NSA2: variants seen among roughly 807,000 people sequenced by gnomAD.
The protein encoded by NSA2 is ribosome biogenesis protein NSA2 homolog.
NSA2 carries 18 observed loss-of-function variants against 34.8 expected under a neutral mutation model. That is an observed-to-expected ratio of 0.52 (90% CI 0.36 to 0.77). The LOEUF is 0.77. Among genes scored for constraint, NSA2 ranks in the 30% least tolerant of loss-of-function variants. The pLI, the probability that NSA2 is intolerant of heterozygous loss-of-function variation, is 0.00. For synonymous variants in NSA2, 79 were observed against 100.2 expected, an observed-to-expected ratio of 0.79 and a Z score of 1.26; for missense variants, 188 against 314.7, an observed-to-expected ratio of 0.60 and a Z score of 3.05.
chr5:74,778,811 A>G lies in NSA2; in HGVS notation c.*2140A>G, dbSNP rs1028730045. 4 of 152,092 alleles carry G rather than the reference A, an allele frequency of 2.6e-5. No individual in the cohort carries two copies. The highest frequency in any genetic ancestry group is 9.6e-5 in the African/African-American group (4 of 41,458). 9.4% of individuals were successfully genotyped at this position (152,092 alleles called of 1,614,324 possible). A position where few individuals can be genotyped will look rare whatever the true frequency, so the allele number is the denominator to read the frequency against. ...CCCTTCACAAATAAGTTCACAAAGG[A>G]CTATGTGTAATGTGACTGGACATTC... is the stretch of plus-strand genomic sequence containing the variant. On this transcript the variant is annotated 3_prime_UTR_variant, in exon 6 of 6. Coordinates refer to ENST00000610426, the MANE Select transcript of NSA2 (RefSeq NM_014886.6).
At chr5:74,770,321 A>T (rs1744874161) in intron 3 of NSA2, among the ~76,000 whole-genome samples, 1 of 147,988 alleles carries the variant, frequency 6.8e-6, no homozygotes, top group African/African-American at 2.5e-5. Flanking sequence ...CAACAGAGCG[A>T]GACTCCATCT....
intron 4 of NSA2, among the ~76,000 whole-genome samples, chr5:74,773,603 G>A (rs1197717733): frequency 6.6e-6 from 1 of 152,150 alleles, no homozygotes; most frequent in Non-Finnish European, 1.5e-5. Context: ...TCACGCCACT[G>A]CACTCTGGCG....
intron 1 of NSA2, among the ~76,000 whole-genome samples, chr5:74,768,110 A>G (rs1744767021): frequency 6.6e-6 from 1 of 152,258 alleles, no homozygotes; most frequent in Non-Finnish European, 1.5e-5. Context: ...AAGAAAAATA[A>G]TGCACTTTTG....
chr5:74,776,871 T>A lies in NSA2; in HGVS notation c.*200T>A, dbSNP rs1745148375. The stretch of plus-strand genomic sequence containing the variant: ...TTGACCCCATGTTCATAAAACTGAA[T>A]GATTGAAAAAAAGCAAATATACAAA... On this transcript the variant is annotated 3_prime_UTR_variant, in exon 6 of 6. Coordinates refer to ENST00000610426, the MANE Select transcript of NSA2 (RefSeq NM_014886.6). 7.3e-6 allele frequency: 3 copies of A among 409,990 alleles called. No homozygotes were observed. Among genetic ancestry groups the A allele is most frequent in the Non-Finnish European group, 1.3e-5 (3 of 226,090 alleles). The allele number at this position is 409,990 out of a possible 1,614,324, so 25.4% of individuals were successfully genotyped here. A position where few individuals can be genotyped will look rare whatever the true frequency, so the allele number is the denominator to read the frequency against.
chr5:74,772,417 CCAA>C (rs1744974304), intron 4 of NSA2, among the ~76,000 whole-genome samples: 1 of 146,434 alleles, frequency 6.8e-6, no homozygotes, highest in Non-Finnish European at 1.5e-5. Context: ...CCGTGCCCGG[CCAA>C]CGTGAGTAAT....
Position 74,770,824 on chromosome 5 carries a change from A to G in NSA2, c.522+14A>G, listed in dbSNP as rs1303561768. ...ATCAGGCCAATGGTAAGTCCTTGGA[A>G]GAGTGTAATGACCGAAATGTTAGTT... On this transcript the variant is annotated intron_variant, in intron 4 of 5. Coordinates refer to ENST00000610426, the MANE Select transcript of NSA2 (RefSeq NM_014886.6). 1.3e-6 allele frequency: 2 copies of G among 1,544,120 alleles called. No homozygotes were observed. Among genetic ancestry groups the G allele is most frequent in the Non-Finnish European group, 1.7e-6 (2 of 1,147,490 alleles).
rs1322382544 is a variant in NSA2 at position 74,778,666 on chromosome 5, T to C, written c.*1995T>C. 3 of 152,098 alleles carry C rather than the reference T, an allele frequency of 2.0e-5. No individual in the cohort carries two copies. Among genetic ancestry groups the C allele is most frequent in the East Asian group, 3.8e-4 (2 of 5,198 alleles). 9.4% of individuals were successfully genotyped at this position (152,098 alleles called of 1,614,324 possible). On this transcript the variant is annotated 3_prime_UTR_variant, in exon 6 of 6. Transcript: ENST00000610426. Reference sequence around the variant, plus strand: ...GAGCTTTATAATAAATTCTTAAATATACTAATTTCTGTGATGTCTAGCAAT... The same window carrying C: ...GAGCTTTATAATAAATTCTTAAATACACTAATTTCTGTGATGTCTAGCAAT...
rs151085943 is a variant in NSA2 at position 74,770,718 on chromosome 5, A to G, written c.430A>G (p.Lys144Glu). The G allele has an allele frequency of 3.3e-4, 526 of 1,613,484 alleles. No individual in the cohort carries two copies. The highest frequency in any genetic ancestry group is 4.0e-4 in the Non-Finnish European group (475 of 1,179,564). ...KVIRTGKRKKKAWKRMVTKVC... is the reference protein window; with the variant it reads ...KVIRTGKRKKEAWKRMVTKVC... ...TATTCGAACAGGAAAGAGAAAGAAGAAGGCATGGAAGAGAATGGTTACTAA... is the reference window on the plus strand; with the variant it reads ...TATTCGAACAGGAAAGAGAAAGAAGGAGGCATGGAAGAGAATGGTTACTAA... The change falls in exon 4 of 6, where the codon AAG becomes GAG. Residue 144 changes from lysine (K) to glutamate (E), a missense_variant. Physicochemically the swap from Lys to Glu is moderately conservative, Grantham distance 56. Coordinates refer to ENST00000610426, the MANE Select transcript of NSA2 (RefSeq NM_014886.6).
At chr5:74,773,481 A>T (rs574547526) in intron 4 of NSA2, among the ~76,000 whole-genome samples, 115 of 151,790 alleles carry the variant, frequency 7.6e-4, no homozygotes, top group African/African-American at 1.6e-3. Flanking sequence ...AAAAAAAAAA[A>T]AAAAAAAAAT....
intron 5 of NSA2, among the ~76,000 whole-genome samples, chr5:74,776,319 G>A (rs1456256236): frequency 2.0e-5 from 3 of 152,084 alleles, no homozygotes; most frequent in Admixed American, 6.6e-5. Context: ...GGGCAACATG[G>A]CAAAACCACA....
rs1744833759 is a variant in NSA2, at chr5:74,769,195, C to T, written c.192-19C>T. ...ATTATTAAAACAGATAATCTTGAAT[C>T]TTTTTTCCTTCTTGGTAGTATCAAG... is the stretch of plus-strand genomic sequence containing the variant. On this transcript the variant is annotated intron_variant, in intron 2 of 5. Coordinates refer to ENST00000610426, the MANE Select transcript of NSA2 (RefSeq NM_014886.6). 1.3e-6 allele frequency: 2 copies of T among 1,594,728 alleles called. No homozygotes were observed. Among genetic ancestry groups the T allele is most frequent in the Admixed American group, 1.8e-5 (1 of 54,526 alleles).
intron 3 of NSA2, 49 bp from the exon 4 acceptor site, chr5:74,770,582 C>T: frequency 7.4e-7 from 1 of 1,357,844 alleles, no homozygotes; most frequent in Non-Finnish European, 1.0e-6. Flanking sequence ...GACTTATTCT[C>T]ATTGTCCTTT....
In NSA2 at chr5:74,769,119, G is replaced by A. The variant is rs759108948; in HGVS notation, c.191+1G>A. The A allele has an allele frequency of 1.1e-5, 18 of 1,601,684 alleles. No homozygotes were observed. The highest frequency in any genetic ancestry group is 1.8e-5 in the Admixed American group (1 of 56,762). ...CTGAGAAAATACAAATGAAAAAGACGTAAGTGGTCTCATTTATTTGTCATA... is the reference window on the plus strand; with the variant it reads ...CTGAGAAAATACAAATGAAAAAGACATAAGTGGTCTCATTTATTTGTCATA... On this transcript the variant is annotated splice_donor_variant, in intron 2 of 5. Transcript: ENST00000610426. LOFTEE classifies it high-confidence loss of function.
intron 4 of NSA2, among the ~76,000 whole-genome samples, chr5:74,771,180 T>A (rs567673908): frequency 8.8e-4 from 132 of 150,822 alleles, no homozygotes; most frequent in African/African-American, 3.1e-3. Context: ...CTAGGGAGGC[T>A]GAGGCAGGAG....
intron 1 of NSA2, among the ~76,000 whole-genome samples, chr5:74,768,605 A>G (rs1019042170): frequency 6.6e-6 from 1 of 152,216 alleles, no homozygotes; most frequent in Non-Finnish European, 1.5e-5. Context: ...ACTGACTTAA[A>G]TTTTTTAAAT....
chr5:74,772,644 C>G (rs1744981133), intron 4 of NSA2, among the ~76,000 whole-genome samples: 1 of 152,086 alleles, frequency 6.6e-6, no homozygotes, highest in African/African-American at 2.4e-5. Flanking sequence ...ATCATGGACT[C>G]GACTTGTTTT....
chr5:74,779,075 G>C lies in NSA2; in HGVS notation c.*2404G>C, dbSNP rs947580739. 1.3e-5 allele frequency: 2 copies of C among 152,088 alleles called. No individual in the cohort carries two copies. Among genetic ancestry groups the C allele is most frequent in the Admixed American group, 1.3e-4 (2 of 15,270 alleles). 9.4% of individuals were successfully genotyped at this position (152,088 alleles called of 1,614,324 possible). ...CCAAAATAACAATTTCTGTCAGAGA[G>C]AATCTGTAACAGAAGTGTTCTTGTG... is the stretch of plus-strand genomic sequence containing the variant. On this transcript the variant is annotated 3_prime_UTR_variant, in exon 6 of 6. Coordinates refer to ENST00000610426, the MANE Select transcript of NSA2 (RefSeq NM_014886.6).
intron 4 of NSA2, among the ~76,000 whole-genome samples, chr5:74,772,122 T>A (rs1352996637): frequency 1.4e-5 from 2 of 145,568 alleles, no homozygotes; most frequent in African/African-American, 5.3e-5. Flanking sequence ...TCAACCTGAG[T>A]AATTTTTTTT....
intron 1 of NSA2, 125 bp downstream of exon 1, chr5:74,767,488 G>A (rs1744720860): frequency 8.4e-7 from 1 of 1,184,732 alleles, no homozygotes; most frequent in Admixed American, 1.8e-5. Flanking sequence ...AAGAGAAAAG[G>A]ATGGTAGACC....
Sources: gnomAD v4.1 joint callset for allele counts (sites outside exome capture counted in the v4.1 genomes callset) on GRCh38, gnomAD v4.1.1 for gene constraint, MANE v1.5 for transcripts, NCBI Gene and HGNC (gene_info 2026-07-23, HGNC 2026-07-21) for gene names.